Variants in CSNK1G2 observed in about 807,000 individuals in gnomAD.
CSNK1G2 encodes casein kinase 1 gamma 2, also known as casein kinase I isoform gamma-2.
In CSNK1G2, 11 loss-of-function variants were observed where a neutral mutation model predicts 48.0. The ratio of observed to expected loss-of-function variants is 0.23; its 90% CI spans 0.14 to 0.38. The LOEUF is 0.38. Among genes scored for constraint, CSNK1G2 ranks in the 10% least tolerant of loss-of-function variants. The pLI, the probability that CSNK1G2 is intolerant of heterozygous loss-of-function variation, is 1.00. For synonymous variants in CSNK1G2, 337 were observed against 254.1 expected, an observed-to-expected ratio of 1.33 and a Z score of -3.10; for missense variants, 446 against 595.5, an observed-to-expected ratio of 0.75 and a Z score of 2.61.
intron 1 of CSNK1G2, among the ~76,000 whole-genome samples, chr19:1,953,683 C>A (rs926965407): frequency 6.6e-6 from 1 of 151,948 alleles, no homozygotes; most frequent in African/African-American, 2.4e-5. Flanking sequence ...GCGAGGCTGA[C>A]CTGTGGGACG....
At chr19:1,953,653 T>C in intron 1 of CSNK1G2, 1 of 399,084 alleles carries the variant, frequency 2.5e-6, no homozygotes, top group South Asian at 1.9e-5. Flanking sequence ...CCCTCACCTG[T>C]GGTCTGTGCC....
intron 1 of CSNK1G2, among the ~76,000 whole-genome samples, chr19:1,951,716 T>A (rs1300648382): frequency 6.9e-6 from 1 of 144,450 alleles, no homozygotes; most frequent in Non-Finnish European, 1.5e-5. Flanking sequence ...AGTCTCACTG[T>A]GTCGCCCAGG....
chr19:1,967,599 C>T (rs889265267), intron 1 of CSNK1G2, among the ~76,000 whole-genome samples: 15 of 152,176 alleles, frequency 9.9e-5, no homozygotes, highest in East Asian at 9.7e-4. Flanking sequence ...AGGTGACAGC[C>T]GCGTCCCTGG....
intron 1 of CSNK1G2, among the ~76,000 whole-genome samples, chr19:1,964,134 T>A (rs1016890069): frequency 6.6e-6 from 1 of 151,890 alleles, no homozygotes; most frequent in Non-Finnish European, 1.5e-5. Flanking sequence ...TACAAAAATT[T>A]TTTTAAAAAT....
chr19:1,978,198 G>A lies in CSNK1G2; in HGVS notation c.188-107G>A. 1 of 1,103,952 alleles carries A rather than the reference G, an allele frequency of 9.1e-7. No individual in the cohort carries two copies. Among genetic ancestry groups the A allele is most frequent in the Non-Finnish European group, 1.4e-6 (1 of 725,256 alleles). The allele number at this position is 1,103,952 out of a possible 1,614,324, so 68.4% of individuals were successfully genotyped here. ...GCTGGGCAGTGGTGTCATTTGGAGGGTGGTCCTTCAGGGACCCCCTCCTGC... is the reference window on the plus strand; with the variant it reads ...GCTGGGCAGTGGTGTCATTTGGAGGATGGTCCTTCAGGGACCCCCTCCTGC... On this transcript the variant is annotated intron_variant, in intron 2 of 11. Transcript: ENST00000255641. The surrounding 1 kb of genome is among the most constrained non-coding windows in gnomAD (Gnocchi z 7.3).
At chr19:1,953,430 A>G (rs144637795) in intron 1 of CSNK1G2, 5 of 534,582 alleles carry the variant, frequency 9.4e-6, no homozygotes, top group South Asian at 2.8e-5. Context: ...GATTTGATGC[A>G]GATGTGTCCA....
rs145538636 is a variant in CSNK1G2 at position 1,976,775 on chromosome 19, T to C, written c.188-1530T>C. Among the ~76,000 whole-genome samples the C allele has an allele frequency of 8.8e-4, 134 of 151,880 alleles. 2 individuals carry two copies. In the East Asian group the frequency reaches 0.019, roughly 22 times the overall value. The stretch of plus-strand genomic sequence containing the variant: ...TTTTTTTGAGACAGAGTTTCTCTCT[T>C]GTTGCCCAGGCTGGAGTGCAATGGC... On this transcript the variant is annotated intron_variant, in intron 2 of 11. Transcript: ENST00000255641.
intron 1 of CSNK1G2, among the ~76,000 whole-genome samples, chr19:1,963,137 G>T (rs1599308421): frequency 6.6e-6 from 1 of 152,022 alleles, no homozygotes; most frequent in African/African-American, 2.4e-5. Flanking sequence ...TCCAGGGCAG[G>T]CCCAGCCACA....
chr19:1,966,582 C>A (rs910426912), intron 1 of CSNK1G2, among the ~76,000 whole-genome samples: 1 of 152,160 alleles, frequency 6.6e-6, no homozygotes, highest in African/African-American at 2.4e-5. Context: ...GATGAAGCCG[C>A]GGCCGGGTTG....
intron 1 of CSNK1G2, among the ~76,000 whole-genome samples, chr19:1,951,648 C>T (rs58415489): frequency 0.13 from 18,758 of 140,526 alleles, 2,715 homozygotes; most frequent in South Asian, 0.23. Flanking sequence ...CGGGAGGAAG[C>T]GGTGAGAGTC....
intron 1 of CSNK1G2, among the ~76,000 whole-genome samples, chr19:1,950,123 T>A (rs1168315330): frequency 6.6e-6 from 1 of 150,714 alleles, no homozygotes; most frequent in Admixed American, 6.6e-5. Context: ...TTATTTATTT[T>A]ATTTATTTAT....
intron 1 of CSNK1G2, among the ~76,000 whole-genome samples, chr19:1,959,623 G>GCCACCCTGGGTCCCCCAGCACCCGCC (rs1445368143): frequency 1.2e-4 from 4 of 33,156 alleles, no homozygotes; most frequent in African/African-American, 3.7e-4. Context: ...CAGCACCCGT[G>GCCACCCTGGGTCCCCCAGCACCCGCC]CCACCTTTAG....
At chr19:1,962,950 C>T (rs1015241420) in intron 1 of CSNK1G2, among the ~76,000 whole-genome samples, 2 of 152,112 alleles carry the variant, frequency 1.3e-5, no homozygotes, top group African/African-American at 2.4e-5. Context: ...GAGGAGGAGG[C>T]GTAGTGTGGC....
intron 1 of CSNK1G2, among the ~76,000 whole-genome samples, chr19:1,941,651 C>T (rs2145484931): frequency 6.7e-6 from 1 of 149,100 alleles, no homozygotes; most frequent in South Asian, 2.1e-4. Flanking sequence ...GCACTCGGGA[C>T]CCCAGCGTCC....
chr19:1,950,653 G>C (rs556412717), intron 1 of CSNK1G2, among the ~76,000 whole-genome samples: 18 of 145,758 alleles, frequency 1.2e-4, no homozygotes, highest in Non-Finnish European at 2.5e-4. Flanking sequence ...GGGACGGACG[G>C]GCCTTCCTGG....
chr19:1,946,609 T>C (rs935787731), intron 1 of CSNK1G2, among the ~76,000 whole-genome samples: 1 of 134,944 alleles, frequency 7.4e-6, no homozygotes, highest in Non-Finnish European at 1.6e-5. Context: ...ATTTATTTAT[T>C]ATTATTATTA....
At chr19:1,949,807 G>A (rs1218776769) in intron 1 of CSNK1G2, among the ~76,000 whole-genome samples, 3 of 152,164 alleles carry the variant, frequency 2.0e-5, no homozygotes, top group Non-Finnish European at 2.9e-5. Flanking sequence ...CCTTCGGCCC[G>A]ATGCTTCTCT....
In CSNK1G2 at chr19:1,980,382, CT is replaced by C; in HGVS notation, c.*181del. The C allele has an allele frequency of 1.4e-6, 1 of 723,124 alleles. No individual in the cohort carries two copies. The highest frequency in any genetic ancestry group is 2.4e-6 in the Non-Finnish European group (1 of 419,038). The allele number at this position is 723,124 out of a possible 1,614,324, so 44.8% of individuals were successfully genotyped here. A position where few individuals can be genotyped will look rare whatever the true frequency, so the allele number is the denominator to read the frequency against. ...GCCCCACCCCCGGGACGTGGGGTCA[CT>C]TCCTTCATGTAAGACTTTGGCCGAA... On this transcript the variant is annotated 3_prime_UTR_variant, in exon 12 of 12. Coordinates refer to ENST00000255641, the MANE Select transcript of CSNK1G2 (RefSeq NM_001319.7).
intron 1 of CSNK1G2, among the ~76,000 whole-genome samples, chr19:1,958,855 CCCCCCGTCCCCCAT>C (rs2015094769): frequency 4.8e-5 from 1 of 20,634 alleles, no homozygotes; most frequent in Non-Finnish European, 1.1e-4. Context: ...CAGGCACTCT[CCCCCCGTCCCCCAT>C]CCCCCGTCCA....
Sources: allele counts gnomAD v4.1 joint callset (sites outside exome capture counted in the v4.1 genomes callset), GRCh38; gene constraint gnomAD v4.1.1; non-coding constraint Gnocchi (gnomAD v3.1); transcripts MANE v1.5; gene names NCBI Gene and HGNC (gene_info 2026-07-23, HGNC 2026-07-21).